The following PRKG1 variants were observed in gnomAD, a reference collection of about 807,000 sequenced individuals.
PRKG1 encodes protein kinase cGMP-dependent 1.
Under a neutral mutation model 88.1 loss-of-function variants are expected in PRKG1, and 35 were observed. That is an observed-to-expected ratio of 0.40 (90% CI 0.30 to 0.53). The LOEUF is 0.53. Ranked by LOEUF, PRKG1 falls within the 20% of genes least tolerant of loss-of-function variation. The pLI is 0.59. For synonymous variants in PRKG1, 303 were observed against 292.5 expected, an observed-to-expected ratio of 1.04 and a Z score of -0.37; for missense variants, 540 against 839.8, an observed-to-expected ratio of 0.64 and a Z score of 4.41.
chr10:51,117,319 T>C (rs1845151572), intron 1 of PRKG1, among the ~76,000 whole-genome samples: 1 of 152,222 alleles, frequency 6.6e-6, no homozygotes, highest in African/African-American at 2.4e-5. Context: ...TCCATAATGG[T>C]GTTACATTCT....
chr10:52,045,086 C>T (rs1355400936), intron 5 of PRKG1, among the ~76,000 whole-genome samples: 2 of 152,032 alleles, frequency 1.3e-5, no homozygotes, highest in African/African-American at 4.8e-5. Flanking sequence ...TACTTCTTGC[C>T]CTAGGTACTT....
At position 51,697,500 on chromosome 10, in the gene PRKG1, C is replaced by T. The variant is rs568925720; in HGVS notation, c.593-107085C>T. The T allele has an allele frequency of 1.3e-3, 755 of 594,928 alleles. 7 individuals are homozygous for T. Among genetic ancestry groups the T allele is most frequent in the South Asian group, 6.5e-3 (304 of 46,844 alleles). The allele number at this position is 594,928 out of a possible 1,614,324, so 36.9% of individuals were successfully genotyped here. On this transcript the variant is annotated intron_variant, in intron 3 of 17. Transcript: ENST00000373980. Reference sequence around the variant, plus strand: ...TTTAAAGTAACTTAAAGTGAACAGACGCACTCCCTCCTCCCCCCACCCTCA... The same window carrying T: ...TTTAAAGTAACTTAAAGTGAACAGATGCACTCCCTCCTCCCCCCACCCTCA...
intron 2 of PRKG1, among the ~76,000 whole-genome samples, chr10:51,294,867 G>A (rs1840677621): frequency 6.6e-6 from 1 of 152,146 alleles, no homozygotes; most frequent in Admixed American, 6.5e-5. Flanking sequence ...GAGGCAAGGA[G>A]TTTGAGACCA....
intron 2 of PRKG1, among the ~76,000 whole-genome samples, chr10:51,280,834 T>G (rs1426179705): frequency 6.6e-6 from 1 of 152,220 alleles, no homozygotes; most frequent in Admixed American, 6.5e-5. Flanking sequence ...CTCAGAGAAG[T>G]TTGATCATCT....
intron 5 of PRKG1, among the ~76,000 whole-genome samples, chr10:51,958,351 A>G (rs1843362156): frequency 6.6e-6 from 1 of 152,202 alleles, no homozygotes; most frequent in African/African-American, 2.4e-5. Flanking sequence ...GAACAAAAAA[A>G]GAAAATCCAG....
chr10:51,157,069 C>T (rs534111759), intron 2 of PRKG1, among the ~76,000 whole-genome samples: 2 of 151,846 alleles, frequency 1.3e-5, no homozygotes, highest in East Asian at 3.9e-4. Context: ...TTTGTTTGCA[C>T]CCCGGGCAGT....
At chr10:51,597,581 C>G (rs1237697591) in intron 3 of PRKG1, among the ~76,000 whole-genome samples, 1 of 152,170 alleles carries the variant, frequency 6.6e-6, no homozygotes, top group Non-Finnish European at 1.5e-5. Context: ...GCGGGTTGCT[C>G]ATTTGTCAGT....
chr10:51,700,044 A>G (rs1841425867), intron 3 of PRKG1, among the ~76,000 whole-genome samples: 1 of 152,236 alleles, frequency 6.6e-6, no homozygotes, highest in Admixed American at 6.5e-5. Flanking sequence ...TAGTATAGTT[A>G]AGCTAGATTT....
chr10:51,530,504 A>G (rs1841991569), intron 3 of PRKG1, among the ~76,000 whole-genome samples: 1 of 152,194 alleles, frequency 6.6e-6, no homozygotes, highest in African/African-American at 2.4e-5. Context: ...AGGCTATTCC[A>G]AATCACACTC....
At chr10:51,112,017 AGC>A in intron 1 of PRKG1, among the ~76,000 whole-genome samples, 1 of 152,168 alleles carries the variant, frequency 6.6e-6, no homozygotes, top group East Asian at 1.9e-4. Flanking sequence ...TTGTGCTGAA[AGC>A]ATTGTTTTAT....
chr10:51,088,752 C>A, intron 1 of PRKG1, among the ~76,000 whole-genome samples: 1 of 151,342 alleles, frequency 6.6e-6, no homozygotes, highest in East Asian at 1.9e-4. Flanking sequence ...CTCTGTTGCT[C>A]CATGTTACAT....
In PRKG1 at chr10:51,843,259, T is replaced by C. The variant is rs570971153; in HGVS notation, c.698+38569T>C. On this transcript the variant is annotated intron_variant, in intron 4 of 17. Transcript: ENST00000373980. Reference sequence around the variant, plus strand: ...ATTAGTGTTATAAGAATAATTTGTTTTATATATTAGAAACATTTATTTGAT... The same window carrying C: ...ATTAGTGTTATAAGAATAATTTGTTCTATATATTAGAAACATTTATTTGAT... Among the ~76,000 whole-genome samples, 7 of 152,168 alleles carry C rather than the reference T, an allele frequency of 4.6e-5. No individual in the cohort carries two copies. The East Asian group carries it at 1.2e-3, about 25-fold the overall frequency.
At chr10:52,234,344 G>T (rs1339156869) in intron 9 of PRKG1, among the ~76,000 whole-genome samples, 1 of 152,164 alleles carries the variant, frequency 6.6e-6, no homozygotes, top group Non-Finnish European at 1.5e-5. Flanking sequence ...AGAGAAGAAG[G>T]CTTCAGACGA....
chr10:51,579,710 A>G (rs528654176), intron 3 of PRKG1, among the ~76,000 whole-genome samples: 2 of 152,242 alleles, frequency 1.3e-5, no homozygotes, highest in South Asian at 4.1e-4. Context: ...TTCTAGGGTA[A>G]TAATTTCATT....
intron 1 of PRKG1, among the ~76,000 whole-genome samples, chr10:51,100,013 C>T (rs1844639935): frequency 6.6e-6 from 1 of 152,260 alleles, no homozygotes; most frequent in Admixed American, 6.5e-5. Context: ...CCTGTCTCAG[C>T]CTCCCGAGTA....
chr10:52,271,550 C>A, intron 11 of PRKG1, 61 bp downstream of exon 11: 5 of 1,562,114 alleles, frequency 3.2e-6, no homozygotes, highest in Admixed American at 1.8e-5. Context: ...CACCACAAAA[C>A]CCTCTGCCAC....
chr10:51,815,487 G>A (rs1262969511), intron 4 of PRKG1, among the ~76,000 whole-genome samples: 2 of 152,140 alleles, frequency 1.3e-5, no homozygotes, highest in African/African-American at 4.8e-5. Flanking sequence ...CATGGTTGGA[G>A]AGAAATCTGA....
chr10:51,755,985 T>C (rs1171809039), intron 3 of PRKG1, among the ~76,000 whole-genome samples: 1 of 152,252 alleles, frequency 6.6e-6, no homozygotes, highest in Non-Finnish European at 1.5e-5. Context: ...TTTATCGTTA[T>C]TTAAAGCAAG....
chr10:51,766,490 GC>G (rs776417780), intron 3 of PRKG1, among the ~76,000 whole-genome samples: 43 of 152,086 alleles, frequency 2.8e-4, no homozygotes, highest in Non-Finnish European at 5.0e-4. Flanking sequence ...CCCCAACCAT[GC>G]CCCACACCAT....
Sources: gnomAD v4.1 joint callset for allele counts (sites outside exome capture counted in the v4.1 genomes callset) on GRCh38, gnomAD v4.1.1 for gene constraint, MANE v1.5 for transcripts, NCBI Gene and HGNC (gene_info 2026-07-23, HGNC 2026-07-21) for gene names.